PGM1: variants seen among roughly 807,000 people sequenced by gnomAD.
The protein encoded by PGM1 is phosphoglucomutase-1.
A neutral mutation model predicts 55.6 loss-of-function variants in PGM1; 52 were observed. The observed-to-expected ratio is 0.94, with a 90% CI of 0.75 to 1.18. The LOEUF (loss-of-function observed/expected upper bound fraction) is 1.18, where lower values mean the gene tolerates loss of function less well. Ranked by LOEUF, PGM1 falls within the 50% of genes most tolerant of loss-of-function variation. The probability of loss-of-function intolerance (pLI) is 0.00; values close to 1 mark genes in which losing one functional copy is unlikely to be tolerated. For missense variants in PGM1, 724 were observed against 729.3 expected, an observed-to-expected ratio of 0.99 and a Z score of 0.08; for synonymous variants, 287 against 271.7, an observed-to-expected ratio of 1.06 and a Z score of -0.55.
chr1:63,603,807 G>A (rs150017051), intron 1 of PGM1, among the ~76,000 whole-genome samples: 1 of 152,198 alleles, frequency 6.6e-6, no homozygotes, highest in African/African-American at 2.4e-5. Flanking sequence ...GAAGCACGTG[G>A]GGACTAAGAC....
At chr1:63,647,251 A>C (rs1261461647) in intron 7 of PGM1, among the ~76,000 whole-genome samples, 1 of 100,450 alleles carries the variant, frequency 1.0e-5, no homozygotes, top group African/African-American at 3.3e-5. Flanking sequence ...TCAAAAAATA[A>C]AATTTTACAT....
intron 1 of PGM1, among the ~76,000 whole-genome samples, chr1:63,617,007 C>T (rs1324310140): frequency 6.6e-6 from 1 of 152,210 alleles, no homozygotes; most frequent in African/African-American, 2.4e-5. Context: ...TGGTGCTAAG[C>T]TCTTTACATT....
At chr1:63,657,570 G>A (rs572859052) in intron 10 of PGM1, among the ~76,000 whole-genome samples, 4 of 152,148 alleles carry the variant, frequency 2.6e-5, no homozygotes, top group African/African-American at 4.8e-5. Context: ...GTTGTCCAAC[G>A]TATCTCTAAA....
chr1:63,611,492 T>G lies in PGM1; in HGVS notation c.246+17758T>G, dbSNP rs189244127. Reference sequence around the variant, plus strand: ...CACAGGTCCTTAACCCCTGAGGCTTTCTTTTATACACAGGCCAACATAAGA... The same window carrying G: ...CACAGGTCCTTAACCCCTGAGGCTTGCTTTTATACACAGGCCAACATAAGA... On this transcript the variant is annotated intron_variant, in intron 1 of 10. Transcript: ENST00000371084. 2.9e-3 allele frequency among the ~76,000 whole-genome samples: 438 copies of G among 152,284 alleles called. 3 individuals carry two copies. Among genetic ancestry groups the G allele is most frequent in the African/African-American group, 0.01 (430 of 41,550 alleles).
chr1:63,611,795 C>T (rs1489308146), intron 1 of PGM1, among the ~76,000 whole-genome samples: 5 of 151,772 alleles, frequency 3.3e-5, no homozygotes, highest in Admixed American at 1.3e-4. Context: ...CCCAGCTATT[C>T]GGGAGGCTGA....
chr1:63,595,702 G>A (rs959069038), intron 1 of PGM1, among the ~76,000 whole-genome samples: 5 of 152,158 alleles, frequency 3.3e-5, no homozygotes, highest in Non-Finnish European at 5.9e-5. Flanking sequence ...ACCATGTTCA[G>A]AGAAATGTGT....
At chr1:63,627,077 A>ATG (rs1649043728) in intron 1 of PGM1, among the ~76,000 whole-genome samples, 1 of 115,688 alleles carries the variant, frequency 8.6e-6, no homozygotes, top group East Asian at 3.3e-4. Context: ...ACACACACAC[A>ATG]CACTTTTAAG....
chr1:63,611,162 G>T (rs1015202082), intron 1 of PGM1, among the ~76,000 whole-genome samples: 1 of 152,156 alleles, frequency 6.6e-6, no homozygotes, highest in Non-Finnish European at 1.5e-5. Flanking sequence ...GAAGTGCCTC[G>T]TTAGGGTGTA....
Position 63,659,668 on chromosome 1 carries a change from T to C in PGM1, c.1682T>C (p.Ile561Thr). The C allele has an allele frequency of 1.9e-6, 3 of 1,613,140 alleles. No individual in the cohort carries two copies. Among genetic ancestry groups the C allele is most frequent in the Non-Finnish European group, 2.5e-6 (3 of 1,179,154 alleles). Residue 561 changes from isoleucine to threonine, a missense_variant, in exon 11 of 11, where the codon ATC (isoleucine) becomes ACC (threonine). Physicochemically the swap from Ile to Thr is moderately conservative, Grantham distance 89. Coordinates refer to ENST00000371084, the MANE Select transcript of PGM1 (RefSeq NM_002633.3). ...ERTGRTAPTV[I>T]T The stretch of plus-strand genomic sequence containing the variant: ...ACGGGACGCACTGCACCCACTGTCA[T>C]CACCTAAGAAGACAGGCCTGATGTG...
intron 7 of PGM1, among the ~76,000 whole-genome samples, chr1:63,641,918 T>C (rs1243726717): frequency 6.6e-6 from 1 of 152,190 alleles, no homozygotes; most frequent in East Asian, 1.9e-4. Context: ...TTCCTGCTAT[T>C]GGAAAAGAAA....
intron 4 of PGM1, among the ~76,000 whole-genome samples, chr1:63,634,195 C>G (rs1253001497): frequency 1.3e-5 from 2 of 151,772 alleles, no homozygotes; most frequent in African/African-American, 4.8e-5. Flanking sequence ...AATGTCTTTA[C>G]CTCAGAACAC....
intron 1 of PGM1, among the ~76,000 whole-genome samples, chr1:63,594,437 C>G (rs530844611): frequency 3.3e-5 from 5 of 152,204 alleles, no homozygotes; most frequent in African/African-American, 9.6e-5. Flanking sequence ...TGCCCGGGAT[C>G]TGTTCCACCG....
intron 6 of PGM1, among the ~76,000 whole-genome samples, chr1:63,637,654 T>TACCA (rs1649397897): frequency 6.6e-6 from 1 of 152,332 alleles, no homozygotes; most frequent in East Asian, 1.9e-4. Flanking sequence ...CCAGCACGTC[T>TACCA]ACCATCAGGT....
chr1:63,622,640 C>T (rs1188817415), intron 1 of PGM1, among the ~76,000 whole-genome samples: 1 of 152,092 alleles, frequency 6.6e-6, no homozygotes, highest in Non-Finnish European at 1.5e-5. Flanking sequence ...TGCATCCTCA[C>T]GCCTGTTTTT....
intron 1 of PGM1, chr1:63,623,276 G>T: frequency 2.1e-6 from 3 of 1,432,222 alleles, no homozygotes; most frequent in Middle Eastern, 2.6e-4. Context: ...CCCTTAACTT[G>T]TTCACAAGGG....
intron 7 of PGM1, among the ~76,000 whole-genome samples, chr1:63,643,802 G>A (rs774288323): frequency 1.8e-4 from 27 of 152,228 alleles, no homozygotes; most frequent in Admixed American, 5.9e-4. Flanking sequence ...AGAGGGCATG[G>A]GGAGGGCATC....
intron 1 of PGM1, among the ~76,000 whole-genome samples, chr1:63,627,473 C>G (rs1249787138): frequency 6.6e-6 from 1 of 152,062 alleles, no homozygotes; most frequent in Non-Finnish European, 1.5e-5. Flanking sequence ...CAGTGTCTCT[C>G]CTGTATCAGA....
chr1:63,648,673 G>T (rs1321606834), intron 8 of PGM1, 21 bp downstream of exon 8: 3 of 1,612,910 alleles, frequency 1.9e-6, no homozygotes, highest in Non-Finnish European at 2.5e-6. Context: ...GCCCAGCTGG[G>T]GTACAAGGTA....
At chr1:63,600,660 C>T (rs1648216879) in intron 1 of PGM1, among the ~76,000 whole-genome samples, 1 of 152,086 alleles carries the variant, frequency 6.6e-6, no homozygotes, top group African/African-American at 2.4e-5. Flanking sequence ...TCTGATAAAC[C>T]TCATGAGAGC....
Sources: allele counts gnomAD v4.1 joint callset (sites outside exome capture counted in the v4.1 genomes callset), GRCh38; gene constraint gnomAD v4.1.1; transcripts MANE v1.5; gene names NCBI Gene and HGNC (gene_info 2026-07-23, HGNC 2026-07-21).